Variants in CDH12 observed in about 807,000 individuals in gnomAD.
CDH12 encodes cadherin 12.
In CDH12, 41 loss-of-function variants were observed where a neutral mutation model predicts 74.1. The ratio of observed to expected loss-of-function variants is 0.55; its 90% CI spans 0.43 to 0.72. CDH12 has a LOEUF of 0.72. Ranked by LOEUF, CDH12 falls within the 30% of genes least tolerant of loss-of-function variation. The pLI is 0.00. For synonymous variants in CDH12, 399 were observed against 355.0 expected, an observed-to-expected ratio of 1.12 and a Z score of -1.39; for missense variants, 945 against 977.2, an observed-to-expected ratio of 0.97 and a Z score of 0.44.
chr5:22,392,287 A>G (rs1742280190), intron 3 of CDH12, among the ~76,000 whole-genome samples: 2 of 152,160 alleles, frequency 1.3e-5, no homozygotes, highest in Non-Finnish European at 2.9e-5. Flanking sequence ...TAGTGTGACT[A>G]TAAGGAAATC....
chr5:22,406,884 A>T (rs947921887), intron 2 of CDH12, among the ~76,000 whole-genome samples: 25 of 152,160 alleles, frequency 1.6e-4, no homozygotes, highest in Non-Finnish European at 1.5e-5. Flanking sequence ...GTATATGAGT[A>T]TAAGCCTTGA....
intron 2 of CDH12, among the ~76,000 whole-genome samples, chr5:22,417,022 C>A (rs1480219745): frequency 6.6e-6 from 1 of 152,126 alleles, no homozygotes; most frequent in Non-Finnish European, 1.5e-5. Flanking sequence ...TCTTTGTTCT[C>A]ATATATATTA....
intron 3 of CDH12, among the ~76,000 whole-genome samples, chr5:22,365,061 G>A (rs1181748453): frequency 2.0e-5 from 3 of 152,222 alleles, no homozygotes; most frequent in East Asian, 1.9e-4. Context: ...AAGCTCACTC[G>A]ACTGCATGAC....
At chr5:21,871,217 T>C (rs1428924553) in intron 6 of CDH12, among the ~76,000 whole-genome samples, 5 of 152,198 alleles carry the variant, frequency 3.3e-5, no homozygotes, top group Admixed American at 2.6e-4. Flanking sequence ...GACATTGTGA[T>C]TATAATCTTT....
intron 4 of CDH12, among the ~76,000 whole-genome samples, chr5:22,119,284 CG>C (rs1480458577): frequency 1.2e-4 from 14 of 118,698 alleles, no homozygotes; most frequent in South Asian, 2.8e-4. Flanking sequence ...TCTTCTACTT[CG>C]TTTTTTTTTT....
Position 22,505,297 on chromosome 5 carries a change from C to T in CDH12, c.-455G>A, listed in dbSNP as rs971776383. ...TTAAAAAGGCTGGCATTCTTTAAAA[C>T]TCCCAACTGCTCCTGGGTTCCAGCT... On this transcript the variant is annotated 5_prime_UTR_variant, in exon 2 of 15. Coordinates refer to ENST00000382254, the MANE Select transcript of CDH12 (RefSeq NM_004061.5). The T allele has an allele frequency of 2.0e-6, 2 of 984,664 alleles. No homozygotes were observed. The highest frequency in any genetic ancestry group is 2.4e-6 in the Non-Finnish European group (2 of 829,352). 61.0% of individuals were successfully genotyped at this position (984,664 alleles called of 1,614,324 possible). A position where few individuals can be genotyped will look rare whatever the true frequency, so the allele number is the denominator to read the frequency against.
At chr5:22,615,085 A>G (rs1737627126) in intron 1 of CDH12, among the ~76,000 whole-genome samples, 1 of 152,102 alleles carries the variant, frequency 6.6e-6, no homozygotes, top group Non-Finnish European at 1.5e-5. Flanking sequence ...TTGGATCATG[A>G]TTGACCATGG....
At chr5:21,835,829 T>C (rs75004226) in intron 8 of CDH12, among the ~76,000 whole-genome samples, 3,099 of 151,802 alleles carry the variant, frequency 0.02, 77 homozygotes, top group African/African-American at 0.058. Context: ...AAAGAGAAAA[T>C]ACATTTTACT....
At chr5:22,391,952 T>C (rs1382490825) in intron 3 of CDH12, among the ~76,000 whole-genome samples, 3 of 152,134 alleles carry the variant, frequency 2.0e-5, no homozygotes, top group African/African-American at 7.2e-5. Flanking sequence ...GAACTTGAGA[T>C]TTAAGCAAGA....
chr5:22,271,012 T>C (rs1736376000), intron 3 of CDH12, among the ~76,000 whole-genome samples: 1 of 152,102 alleles, frequency 6.6e-6, no homozygotes, highest in Non-Finnish European at 1.5e-5. Context: ...AAGCATATTC[T>C]TTATACTTGG....
intron 4 of CDH12, among the ~76,000 whole-genome samples, chr5:22,140,496 G>A (rs1283624690): frequency 6.6e-6 from 1 of 151,980 alleles, no homozygotes; most frequent in African/African-American, 2.4e-5. Context: ...ATTTGTATGT[G>A]TTTTTTCACA....
At chr5:22,698,719 ATATATATATATATATAGTGTGT>A (rs1377868233) in intron 1 of CDH12, among the ~76,000 whole-genome samples, 4,102 of 23,172 alleles carry the variant, frequency 0.18, 715 homozygotes, top group East Asian at 0.29. Flanking sequence ...ATATATATAT[ATATATATATATATATAGTGTGT>A]GTGTGTGTGT....
chr5:22,241,089 G>C (rs1034283606), intron 3 of CDH12, among the ~76,000 whole-genome samples: 1 of 152,016 alleles, frequency 6.6e-6, no homozygotes, highest in East Asian at 1.9e-4. Context: ...TGCTTCAAGT[G>C]TTTAAAAAAT....
chr5:22,588,715 T>C (rs1156409655), intron 1 of CDH12, among the ~76,000 whole-genome samples: 1 of 152,184 alleles, frequency 6.6e-6, no homozygotes, highest in Non-Finnish European at 1.5e-5. Context: ...CAGCTCACTG[T>C]CAAATCTACT....
intron 1 of CDH12, among the ~76,000 whole-genome samples, chr5:22,627,609 C>T (rs887455068): frequency 2.0e-5 from 3 of 152,082 alleles, no homozygotes. Context: ...AAATGAAAGA[C>T]CATTACCAAC....
intron 1 of CDH12, among the ~76,000 whole-genome samples, chr5:22,586,180 G>A (rs1561509660): frequency 6.6e-6 from 1 of 152,108 alleles, no homozygotes. Context: ...ATGAGTTCAT[G>A]TCCTTTGTAG....
intron 5 of CDH12, among the ~76,000 whole-genome samples, chr5:21,995,589 G>C (rs7731807): frequency 0.015 from 2,252 of 151,786 alleles, 55 homozygotes; most frequent in African/African-American, 0.05. Flanking sequence ...GGAAAAATGC[G>C]GGGCCAGGGT....
intron 1 of CDH12, among the ~76,000 whole-genome samples, chr5:22,581,291 C>T (rs1203644209): frequency 6.6e-6 from 1 of 152,222 alleles, no homozygotes; most frequent in Non-Finnish European, 1.5e-5. Flanking sequence ...GCCCTGAGTC[C>T]CAACTGCTCC....
intron 2 of CDH12, among the ~76,000 whole-genome samples, chr5:22,411,312 C>T (rs973891812): frequency 5.3e-5 from 8 of 151,814 alleles, no homozygotes; most frequent in Non-Finnish European, 1.0e-4. Flanking sequence ...TATTACAATA[C>T]ATCAAGCAGA....
Sources: gnomAD v4.1 joint callset for allele counts (sites outside exome capture counted in the v4.1 genomes callset) on GRCh38, gnomAD v4.1.1 for gene constraint, MANE v1.5 for transcripts, NCBI Gene and HGNC (gene_info 2026-07-23, HGNC 2026-07-21) for gene names.